ZNF609: variants seen among roughly 807,000 people sequenced by gnomAD.
ZNF609 encodes zinc finger protein 609.
A neutral mutation model predicts 109.5 loss-of-function variants in ZNF609; 11 were observed. The ratio of observed to expected loss-of-function variants is 0.10; its 90% confidence interval spans 0.06 to 0.17. The LOEUF is 0.17. ZNF609 is among the 10% of genes least tolerant of loss of function. The pLI, the probability that ZNF609 is intolerant of heterozygous loss-of-function variation, is 1.00. For synonymous variants in ZNF609, 646 were observed against 662.0 expected, an observed-to-expected ratio of 0.98 and a Z score of 0.37; for missense variants, 1,559 against 1,772.4, an observed-to-expected ratio of 0.88 and a Z score of 2.16.
chr15:64,683,840 G>T lies in ZNF609; in HGVS notation c.*2154G>T, dbSNP rs1056435120. The T allele has an allele frequency of 6.6e-6, 1 of 152,246 alleles. No homozygotes were observed. The highest frequency in any genetic ancestry group is 1.5e-5 in the Non-Finnish European group (1 of 68,050). The allele number at this position is 152,246 out of a possible 1,614,324, so 9.4% of individuals were successfully genotyped here. A position where few individuals can be genotyped will look rare whatever the true frequency, so the allele number is the denominator to read the frequency against. On this transcript the variant is annotated 3_prime_UTR_variant, in exon 10 of 10. Coordinates refer to ENST00000326648, the MANE Select transcript of ZNF609 (RefSeq NM_015042.2). ...TGTATATATTGTAAAGAAACCGTTA[G>T]GAGTAATTTTCTTTTGCATTGGGCA...
At chr15:64,478,558 A>C (rs1300027588) in intron 1 of ZNF609, among the ~76,000 whole-genome samples, 1 of 151,714 alleles carries the variant, frequency 6.6e-6, no homozygotes, top group East Asian at 1.9e-4. Context: ...TTTAGTTTTT[A>C]GTAGAGACAG....
At chr15:64,578,055 G>A (rs1895031516) in intron 2 of ZNF609, among the ~76,000 whole-genome samples, 1 of 149,766 alleles carries the variant, frequency 6.7e-6, no homozygotes, top group Admixed American at 6.7e-5. Flanking sequence ...GTTAGGATAT[G>A]AATGACTTTG....
At chr15:64,638,503 T>C (rs750968182) in intron 3 of ZNF609, among the ~76,000 whole-genome samples, 16 of 152,022 alleles carry the variant, frequency 1.1e-4, no homozygotes, top group Non-Finnish European at 2.2e-4. Context: ...AGTTTTATCC[T>C]TTTACTTAAG....
intron 2 of ZNF609, among the ~76,000 whole-genome samples, chr15:64,594,098 T>C (rs1442466934): frequency 5.3e-5 from 8 of 152,198 alleles, no homozygotes; most frequent in African/African-American, 1.4e-4. Flanking sequence ...CAGTTTACTT[T>C]AGAAGAACTG....
intron 4 of ZNF609, among the ~76,000 whole-genome samples, chr15:64,673,540 C>G (rs1680314475): frequency 6.6e-6 from 1 of 152,212 alleles, no homozygotes; most frequent in East Asian, 1.9e-4. Context: ...GAGCTAGAGT[C>G]TTGTTGTATG....
At chr15:64,680,979 T>C in intron 8 of ZNF609, 117 bp downstream of exon 8, 1 of 1,228,536 alleles carries the variant, frequency 8.1e-7, no homozygotes, top group South Asian at 1.5e-5. Context: ...AATCCTTTTT[T>C]AATTTTTTTT....
intron 3 of ZNF609, among the ~76,000 whole-genome samples, chr15:64,662,009 T>A (rs1488796366): frequency 2.0e-5 from 3 of 152,218 alleles, no homozygotes; most frequent in Non-Finnish European, 4.4e-5. Context: ...CTGGGTGGTC[T>A]GACTCAGGGT....
At chr15:64,523,735 C>G (rs1189968330) in intron 2 of ZNF609, among the ~76,000 whole-genome samples, 1 of 151,578 alleles carries the variant, frequency 6.6e-6, no homozygotes, top group East Asian at 1.9e-4. Context: ...TGCACTCCAG[C>G]CTGGGCAACA....
At chr15:64,537,697 T>C (rs1262276017) in intron 2 of ZNF609, among the ~76,000 whole-genome samples, 3 of 152,120 alleles carry the variant, frequency 2.0e-5, no homozygotes, top group Non-Finnish European at 2.9e-5. Flanking sequence ...GATGCAAAAA[T>C]TTACATAGAA....
intron 2 of ZNF609, among the ~76,000 whole-genome samples, chr15:64,559,813 C>T (rs928182852): frequency 6.6e-6 from 1 of 152,152 alleles, no homozygotes; most frequent in Non-Finnish European, 1.5e-5. Flanking sequence ...ACAGATATCT[C>T]GTTTAATATT....
intron 2 of ZNF609, among the ~76,000 whole-genome samples, chr15:64,609,124 C>CTTTA (rs1895670080): frequency 3.0e-5 from 1 of 33,394 alleles, no homozygotes; most frequent in Non-Finnish European, 1.0e-4. Context: ...TTCTTTCTTT[C>CTTTA]TTTCTTTTTT....
At chr15:64,498,187 T>C (rs935971817) in intron 1 of ZNF609, among the ~76,000 whole-genome samples, 2 of 151,968 alleles carry the variant, frequency 1.3e-5, no homozygotes, top group Non-Finnish European at 2.9e-5. Flanking sequence ...GTAGCTGGGA[T>C]TACAGGTGCC....
rs1567045399 is a variant in ZNF609, at chr15:64,675,435, A to G, written c.2581A>G (p.Ser861Gly). The G allele has an allele frequency of 6.2e-7, 1 of 1,614,218 alleles. No individual in the cohort carries two copies. Among genetic ancestry groups the G allele is most frequent in the East Asian group, 2.2e-5 (1 of 44,884 alleles). Residue 861 changes from serine (S) to glycine (G), a missense_variant, in exon 5 of 10, where the codon AGT becomes GGT. Ser to Gly is a moderately conservative substitution (Grantham distance 56, BLOSUM62 0). Transcript: ENST00000326648. Reference protein sequence around the residue: ...AGEDGEGKVDSVKSKDAEQLV... With the variant: ...AGEDGEGKVDGVKSKDAEQLV... Reference sequence around the variant, plus strand: ...GGAGGATGGGGAGGGCAAGGTAGACAGTGTCAAATCAAAGGACGCCGAACA... The same window carrying G: ...GGAGGATGGGGAGGGCAAGGTAGACGGTGTCAAATCAAAGGACGCCGAACA...
At chr15:64,488,909 C>CA (rs1325366121) in intron 1 of ZNF609, among the ~76,000 whole-genome samples, 1 of 21,726 alleles carries the variant, frequency 4.6e-5, no homozygotes, top group African/African-American at 7.4e-5. Flanking sequence ...TTTGTTTCTA[C>CA]AAAAAAAAGA....
At position 64,586,613 on chromosome 15, in the gene ZNF609, T is replaced by C. The variant is rs554417629; in HGVS notation, c.748-36214T>C. Among the ~76,000 whole-genome samples the C allele has an allele frequency of 1.3e-4, 20 of 152,130 alleles. No homozygotes were observed. The South Asian group carries it at 4.1e-3, about 32-fold the overall frequency. Reference sequence around the variant, plus strand: ...CTAATGAATGCCTGATGATCTGAGGTGGAACAGTTATAGCCCTGAACCATC... The same window carrying C: ...CTAATGAATGCCTGATGATCTGAGGCGGAACAGTTATAGCCCTGAACCATC... On this transcript the variant is annotated intron_variant, in intron 2 of 9. Coordinates refer to ENST00000326648, the MANE Select transcript of ZNF609 (RefSeq NM_015042.2).
chr15:64,659,033 C>G (rs1896535511), intron 3 of ZNF609, among the ~76,000 whole-genome samples: 1 of 152,080 alleles, frequency 6.6e-6, no homozygotes, highest in Admixed American at 6.5e-5. Flanking sequence ...CTCAAGTGAT[C>G]TGCTCACCTC....
chr15:64,588,089 G>C (rs144559549), intron 2 of ZNF609, among the ~76,000 whole-genome samples: 1 of 151,580 alleles, frequency 6.6e-6, no homozygotes, highest in African/African-American at 2.4e-5. Flanking sequence ...GAGCTGCTGC[G>C]ATCAAACCAC....
chr15:64,541,569 C>G (rs1245874261), intron 2 of ZNF609, among the ~76,000 whole-genome samples: 1 of 151,086 alleles, frequency 6.6e-6, no homozygotes, highest in Non-Finnish European at 1.5e-5. Context: ...CGCCGGGTGC[C>G]GTGGCTCATG....
At chr15:64,633,519 A>C (rs1298263006) in intron 3 of ZNF609, among the ~76,000 whole-genome samples, 1 of 152,084 alleles carries the variant, frequency 6.6e-6, no homozygotes, top group African/African-American at 2.4e-5. Flanking sequence ...GGCTCAAGCA[A>C]TCCTCCTGCC....
Sources: gnomAD v4.1 joint callset for allele counts (sites outside exome capture counted in the v4.1 genomes callset) on GRCh38, gnomAD v4.1.1 for gene constraint, MANE v1.5 for transcripts, NCBI Gene and HGNC (gene_info 2026-07-23, HGNC 2026-07-21) for gene names.